Variants in TSHZ2 observed in about 807,000 individuals in gnomAD.
TSHZ2 encodes the protein teashirt zinc finger homeobox 2, also known as teashirt homolog 2.
A neutral mutation model predicts 74.4 loss-of-function variants in TSHZ2; 21 were observed. The ratio of observed to expected loss-of-function variants is 0.28; its 90% CI spans 0.20 to 0.41. The LOEUF is 0.41. Among genes scored for constraint, TSHZ2 ranks in the 10% least tolerant of loss-of-function variants. The pLI, the probability that TSHZ2 is intolerant of heterozygous loss-of-function variation, is 1.00. For synonymous variants in TSHZ2, 540 were observed against 515.3 expected (o/e 1.05, Z -0.65); for missense variants, 1,244 against 1,293.5 (o/e 0.96, Z 0.59).
intron 2 of TSHZ2, among the ~76,000 whole-genome samples, chr20:53,379,422 G>A (rs6013669): frequency 0.21 from 31,345 of 151,868 alleles, 3,495 homozygotes; most frequent in South Asian, 0.38. Flanking sequence ...CACAATAAAT[G>A]TAGAATGAGT....
chr20:53,445,789 A>T (rs1223438063), intron 2 of TSHZ2, among the ~76,000 whole-genome samples: 1 of 152,200 alleles, frequency 6.6e-6, no homozygotes, highest in East Asian at 1.9e-4. Context: ...AGGAAATGAA[A>T]CCCACCAGGG....
chr20:53,473,724 A>C (rs1250608582), intron 2 of TSHZ2, among the ~76,000 whole-genome samples: 3 of 151,882 alleles, frequency 2.0e-5, no homozygotes, highest in Non-Finnish European at 4.4e-5. Flanking sequence ...ACGGGAGGAC[A>C]TTCAAACCAA....
intron 2 of TSHZ2, among the ~76,000 whole-genome samples, chr20:53,325,939 G>T (rs560884206): frequency 6.6e-6 from 1 of 151,988 alleles, no homozygotes; most frequent in Admixed American, 6.6e-5. Flanking sequence ...CTGCCACCAC[G>T]CCCAGCTAAT....
chr20:53,398,854 T>A (rs1320640165), intron 2 of TSHZ2: 2 of 152,230 alleles, frequency 1.3e-5, no homozygotes, highest in East Asian at 3.8e-4. Flanking sequence ...AGCTATTTCA[T>A]GGGATTCCGG....
intron 1 of TSHZ2, among the ~76,000 whole-genome samples, chr20:53,114,435 T>C (rs1234797324): frequency 6.7e-6 from 1 of 149,404 alleles, no homozygotes; most frequent in Non-Finnish European, 1.5e-5. Context: ...AGTACCCACC[T>C]CACGATATGT....
In TSHZ2 at chr20:53,299,197, T is replaced by A. The variant is rs115186433; in HGVS notation, c.*8+42626T>A. On this transcript the variant is annotated intron_variant, in intron 2 of 2. Transcript: ENST00000371497. ...ACCCTGTCTTATAGCAGCACTAGAA[T>A]GTTTGAACACAGTTTGGAACAGTCC... Among the ~76,000 whole-genome samples, 1,404 of 152,302 alleles carry A rather than the reference T, an allele frequency of 9.2e-3. 29 individuals are homozygous for A. The highest frequency in any genetic ancestry group is 0.032 in the African/African-American group (1,318 of 41,564).
rs1424717762 is a variant in TSHZ2, at chr20:53,050,116, T to TACACACAC, written c.40+76784_40+76785insCACACACA. Among the ~76,000 whole-genome samples, 10 of 96,436 alleles carry TACACACAC rather than the reference T, an allele frequency of 1.0e-4. No individual in the cohort carries two copies. In the East Asian group the frequency reaches 3.0e-3, roughly 29 times the overall value. 63.3% of individuals were successfully genotyped at this position (96,436 alleles called of 152,430 possible). ...ATGTATATGTGTGTATATATATATA[T>TACACACAC]ATATATATACACATATATATATGTG... On this transcript the variant is annotated intron_variant, in intron 1 of 2. Coordinates refer to ENST00000371497, the MANE Select transcript of TSHZ2 (RefSeq NM_173485.6).
At chr20:53,065,899 T>C (rs921545808) in intron 1 of TSHZ2, among the ~76,000 whole-genome samples, 2 of 152,192 alleles carry the variant, frequency 1.3e-5, no homozygotes, top group African/African-American at 4.8e-5. Context: ...CTTCCTGAGA[T>C]TGTGCCTAAG....
chr20:53,225,704 C>T (rs748980674), intron 1 of TSHZ2, among the ~76,000 whole-genome samples: 4 of 152,166 alleles, frequency 2.6e-5, no homozygotes, highest in Admixed American at 6.5e-5. Flanking sequence ...AAAATCACAC[C>T]GCTTGTTCAT....
intron 2 of TSHZ2, among the ~76,000 whole-genome samples, chr20:53,446,635 T>C (rs1984561705): frequency 6.6e-6 from 1 of 151,684 alleles, no homozygotes; most frequent in South Asian, 2.1e-4. Flanking sequence ...TTCACTCTTC[T>C]CTACTTCCTC....
chr20:53,005,778 T>C (rs1982621987), intron 1 of TSHZ2, among the ~76,000 whole-genome samples: 1 of 152,224 alleles, frequency 6.6e-6, no homozygotes, highest in Non-Finnish European at 1.5e-5. Context: ...GGCTAGATTT[T>C]CTTTCCTCTA....
intron 2 of TSHZ2, among the ~76,000 whole-genome samples, chr20:53,307,173 C>T (rs981109864): frequency 1.3e-5 from 2 of 151,788 alleles, no homozygotes; most frequent in African/African-American, 2.4e-5. Context: ...TGGAATGCAA[C>T]GCAATGCCAC....
At position 53,063,606 on chromosome 20, in the gene TSHZ2, G is replaced by A. The variant is rs550863883; in HGVS notation, c.40+90273G>A. On this transcript the variant is annotated intron_variant, in intron 1 of 2. Coordinates refer to ENST00000371497, the MANE Select transcript of TSHZ2 (RefSeq NM_173485.6). ...GTGGACATCATTGTGTTATTTTGGA[G>A]CATATTTTTCATCTTTTCTTAAGTG... is the stretch of plus-strand genomic sequence containing the variant. Among the ~76,000 whole-genome samples, 3 of 152,292 alleles carry A rather than the reference G, an allele frequency of 2.0e-5. No individual in the cohort carries two copies. In the East Asian group the frequency reaches 5.8e-4, roughly 29 times the overall value.
intron 2 of TSHZ2, among the ~76,000 whole-genome samples, chr20:53,479,005 A>G (rs2741379): frequency 0.35 from 53,111 of 151,682 alleles, 9,478 homozygotes; most frequent in Admixed American, 0.36. Context: ...TCTCTACTAA[A>G]AATACAAAAA....
chr20:53,217,992 AGT>A (rs2123632037), intron 1 of TSHZ2, among the ~76,000 whole-genome samples: 1 of 152,314 alleles, frequency 6.6e-6, no homozygotes, highest in East Asian at 1.9e-4. Context: ...AATACAGACA[AGT>A]ATTTTACTTT....
intron 2 of TSHZ2, among the ~76,000 whole-genome samples, chr20:53,434,644 G>A (rs1600635772): frequency 1.3e-5 from 2 of 152,330 alleles, no homozygotes; most frequent in East Asian, 3.9e-4. Flanking sequence ...TGCTCTCCCA[G>A]CTACAACAAA....
chr20:53,160,157 C>T (rs1366875285), intron 1 of TSHZ2, among the ~76,000 whole-genome samples: 1 of 149,514 alleles, frequency 6.7e-6, no homozygotes, highest in Non-Finnish European at 1.5e-5. Flanking sequence ...GCAGGAGGGG[C>T]ACATGGGAGA....
chr20:53,258,324 A>G (rs1990526366), intron 2 of TSHZ2, among the ~76,000 whole-genome samples: 1 of 152,170 alleles, frequency 6.6e-6, no homozygotes, highest in African/African-American at 2.4e-5. Context: ...AACATTTTAA[A>G]TCTTAAATAA....
intron 1 of TSHZ2, among the ~76,000 whole-genome samples, chr20:53,244,821 C>T (rs574393033): frequency 1.3e-4 from 20 of 152,154 alleles, no homozygotes; most frequent in Non-Finnish European, 1.6e-4. Context: ...TCACTTTCTA[C>T]GGAAGTTCCC....
Sources: gnomAD v4.1 joint callset for allele counts (sites outside exome capture counted in the v4.1 genomes callset) on GRCh38, gnomAD v4.1.1 for gene constraint, MANE v1.5 for transcripts, NCBI Gene and HGNC (gene_info 2026-07-23, HGNC 2026-07-21) for gene names.